Variants in EYA4 observed in about 807,000 individuals in gnomAD.
EYA4 encodes protein phosphatase EYA4.
EYA4 carries 31 observed loss-of-function variants against 87.9 expected under a neutral mutation model. The ratio of observed to expected loss-of-function variants is 0.35; its 90% CI spans 0.27 to 0.48. EYA4 has a LOEUF of 0.48. EYA4 is among the 20% of genes least tolerant of loss of function. The pLI is 0.99. For synonymous variants in EYA4, 263 were observed against 270.6 expected (o/e 0.97, Z 0.28); for missense variants, 678 against 761.4 (o/e 0.89, Z 1.29).
intron 2 of EYA4, among the ~76,000 whole-genome samples, chr6:133,339,999 T>G (rs77516216): frequency 0.029 from 4,371 of 152,260 alleles, 205 homozygotes; most frequent in African/African-American, 0.097. Context: ...AGAGTGCTCC[T>G]GGGCTTGATA....
chr6:133,282,749 C>T (rs957822597), intron 2 of EYA4, among the ~76,000 whole-genome samples: 39 of 152,168 alleles, frequency 2.6e-4, no homozygotes, highest in African/African-American at 8.7e-4. Context: ...CCTATGGCTA[C>T]ATCCGAGCTC....
chr6:133,242,905 G>C (rs1218657543), intron 1 of EYA4, among the ~76,000 whole-genome samples: 1 of 152,148 alleles, frequency 6.6e-6, no homozygotes, highest in East Asian at 1.9e-4. Flanking sequence ...TGTGGAGACT[G>C]TCCTCTCTCA....
At chr6:133,351,497 C>T (rs1290297430) in intron 2 of EYA4, among the ~76,000 whole-genome samples, 1 of 152,164 alleles carries the variant, frequency 6.6e-6, no homozygotes, top group Non-Finnish European at 1.5e-5. Context: ...AGACACCAGA[C>T]ACCTTAACCT....
intron 2 of EYA4, among the ~76,000 whole-genome samples, chr6:133,320,360 G>T (rs757311202): frequency 5.3e-5 from 8 of 151,968 alleles, no homozygotes; most frequent in Admixed American, 1.3e-4. Flanking sequence ...GTGGACCTTA[G>T]CATGTTATAA....
Position 133,313,488 on chromosome 6 carries a change from A to G in EYA4, c.33+38675A>G, listed in dbSNP as rs75971553. Among the ~76,000 whole-genome samples the G allele has an allele frequency of 6.1e-3, 925 of 152,312 alleles. 4 individuals are homozygous for G. Among genetic ancestry groups the G allele is most frequent in the African/African-American group, 0.02 (837 of 41,568 alleles). ...TCCTCTCTTTTTAATTTTATCTCCC[A>G]TTCCAGCTGATCTACAGTATATTTT... On this transcript the variant is annotated intron_variant, in intron 2 of 19. Transcript: ENST00000355286.
intron 2 of EYA4, among the ~76,000 whole-genome samples, chr6:133,288,224 G>A (rs113824196): frequency 0.022 from 3,320 of 152,278 alleles, 51 homozygotes; most frequent in South Asian, 0.061. Flanking sequence ...GCATGGTTGT[G>A]TTCCAGTAAA....
intron 2 of EYA4, among the ~76,000 whole-genome samples, chr6:133,333,145 C>A (rs980679875): frequency 7.9e-5 from 12 of 152,290 alleles, no homozygotes; most frequent in African/African-American, 2.9e-4. Flanking sequence ...ATATAGTCAT[C>A]CTCTGTGATT....
At chr6:133,342,847 A>G (rs1782904755) in intron 2 of EYA4, among the ~76,000 whole-genome samples, 1 of 152,032 alleles carries the variant, frequency 6.6e-6, no homozygotes, top group Non-Finnish European at 1.5e-5. Context: ...TTTTGATGCA[A>G]TATTTTAAAA....
At chr6:133,283,503 T>A (rs769420870) in intron 2 of EYA4, among the ~76,000 whole-genome samples, 40 of 152,294 alleles carry the variant, frequency 2.6e-4, no homozygotes, top group Non-Finnish European at 5.7e-4. Context: ...TGCTTTATGC[T>A]ACTCATCTCA....
intron 18 of EYA4, 80 bp from the exon 19 acceptor site, chr6:133,525,072 TTG>T (rs1181293710): frequency 6.2e-7 from 1 of 1,613,678 alleles, no homozygotes; most frequent in African/African-American, 1.3e-5. Flanking sequence ...ATAACTTATG[TTG>T]TGATTGGAGA....
chr6:133,263,254 G>A (rs960472315), intron 1 of EYA4, among the ~76,000 whole-genome samples: 4 of 152,184 alleles, frequency 2.6e-5, no homozygotes, highest in African/African-American at 9.7e-5. Flanking sequence ...GAAGATAATT[G>A]AAGGCCGTGA....
At chr6:133,478,776 C>T (rs770142559) in intron 11 of EYA4, among the ~76,000 whole-genome samples, 1 of 152,142 alleles carries the variant, frequency 6.6e-6, no homozygotes, top group Non-Finnish European at 1.5e-5. Context: ...AACCCAGATA[C>T]GTCCTACAAC....
intron 2 of EYA4, among the ~76,000 whole-genome samples, chr6:133,343,732 A>G (rs1356804423): frequency 6.6e-6 from 1 of 152,054 alleles, no homozygotes; most frequent in Non-Finnish European, 1.5e-5. Context: ...TGTTTGAGAT[A>G]GTGGTTCCTG....
rs1562257723 is a variant in EYA4, at chr6:133,294,059, ATAT to A, written c.33+19247_33+19249del. ...TATATATATATATATATATATATAT[ATAT>A]AATTCTATTCTATATATAACATTCT... On this transcript the variant is annotated intron_variant, in intron 2 of 19. Transcript: ENST00000355286. Among the ~76,000 whole-genome samples, 24 of 105,100 alleles carry A rather than the reference ATAT, an allele frequency of 2.3e-4. 2 individuals are homozygous for A. Among genetic ancestry groups the A allele is most frequent in the Non-Finnish European group, 3.1e-4 (16 of 51,654 alleles). 68.9% of individuals were successfully genotyped at this position (105,100 alleles called of 152,430 possible).
At chr6:133,397,643 A>G (rs907710001) in intron 3 of EYA4, among the ~76,000 whole-genome samples, 3 of 152,176 alleles carry the variant, frequency 2.0e-5, no homozygotes, top group Admixed American at 6.5e-5. Context: ...TGCATATATG[A>G]TATATCCCCA....
chr6:133,320,468 T>A (rs1780999579), intron 2 of EYA4, among the ~76,000 whole-genome samples: 1 of 138,408 alleles, frequency 7.2e-6, no homozygotes, highest in South Asian at 2.3e-4. Flanking sequence ...TAATTAAATC[T>A]ATATTTTACT....
In EYA4 at chr6:133,530,510, G is replaced by C. The variant is rs1317758577; in HGVS notation, c.*1705G>C. On this transcript the variant is annotated 3_prime_UTR_variant, in exon 20 of 20. Transcript: ENST00000355286. ...GTCATAATGTGGATCCTGGAGTCAGGCTACTAGTCAGTGCCCCTAGCCAGA... is the reference window on the plus strand; with the variant it reads ...GTCATAATGTGGATCCTGGAGTCAGCCTACTAGTCAGTGCCCCTAGCCAGA... 1.0e-6 allele frequency: 1 copy of C among 985,704 alleles called. No homozygotes were observed. The highest frequency in any genetic ancestry group is 6.2e-5 in the Admixed American group (1 of 16,258). The allele number at this position is 985,704 out of a possible 1,614,324, so 61.1% of individuals were successfully genotyped here. A position where few individuals can be genotyped will look rare whatever the true frequency, so the allele number is the denominator to read the frequency against.
At position 133,456,649 on chromosome 6, in the gene EYA4, G is replaced by GT; in HGVS notation, c.370+2dup. ...GCGCTTGACACTTTTACTGGGTCAGGTAAAGCCTTTAGCTCGTGTGTCCTT... is the reference window on the plus strand; with the variant it reads ...GCGCTTGACACTTTTACTGGGTCAGGTTAAAGCCTTTAGCTCGTGTGTCCTT... On this transcript the variant is annotated splice_donor_variant, in intron 6 of 19. Transcript: ENST00000355286. LOFTEE classifies it high-confidence loss of function. 1 of 1,605,744 alleles carries GT rather than the reference G, an allele frequency of 6.2e-7. No homozygotes were observed. The highest frequency in any genetic ancestry group is 8.5e-7 in the Non-Finnish European group (1 of 1,172,406).
At chr6:133,306,094 T>C (rs1326224134) in intron 2 of EYA4, among the ~76,000 whole-genome samples, 2 of 152,018 alleles carry the variant, frequency 1.3e-5, no homozygotes, top group African/African-American at 4.8e-5. Context: ...GTTGCAAGAG[T>C]CTGTGATGCT....
Sources: gnomAD v4.1 joint callset for allele counts (sites outside exome capture counted in the v4.1 genomes callset) on GRCh38, gnomAD v4.1.1 for gene constraint, MANE v1.5 for transcripts, NCBI Gene and HGNC (gene_info 2026-07-23, HGNC 2026-07-21) for gene names.